Variants in CDCA8 observed in about 807,000 individuals in gnomAD.
CDCA8 encodes the protein cell division cycle associated 8.
Under a neutral mutation model 40.0 loss-of-function variants are expected in CDCA8, and 25 were observed. That is an observed-to-expected ratio of 0.63 (90% CI 0.46 to 0.87). The LOEUF is 0.87. Ranked by LOEUF, CDCA8 falls within the 40% of genes least tolerant of loss-of-function variation. The pLI, the probability that CDCA8 is intolerant of heterozygous loss-of-function variation, is 0.00. For missense variants in CDCA8, 280 were observed against 348.4 expected, an observed-to-expected ratio of 0.80 and a Z score of 1.56; for synonymous variants, 111 against 126.5, an observed-to-expected ratio of 0.88 and a Z score of 0.82.
Position 37,702,409 on chromosome 1 carries a change from T to G in CDCA8, c.488+591T>G, listed in dbSNP as rs1444081622. Among the ~76,000 whole-genome samples the G allele has an allele frequency of 6.6e-5, 10 of 152,172 alleles. No individual in the cohort carries two copies. The South Asian group carries it at 1.2e-3, about 19-fold the overall frequency. ...TAGAGTGGCTGTCACTTACCTATAA[T>G]TGGTTTCTTGAAATGTTTTGTCCAG... is the stretch of plus-strand genomic sequence containing the variant. On this transcript the variant is annotated intron_variant, in intron 6 of 9. Coordinates refer to ENST00000373055, the MANE Select transcript of CDCA8 (RefSeq NM_001256875.2).
intron 2 of CDCA8, among the ~76,000 whole-genome samples, chr1:37,695,214 AT>A (rs1458375582): frequency 6.6e-6 from 1 of 151,816 alleles, no homozygotes; most frequent in Non-Finnish European, 1.5e-5. Flanking sequence ...TTAAAAATAA[AT>A]TTTTAAAAAA....
chr1:37,693,996 C>T (rs1366618432), intron 2 of CDCA8, among the ~76,000 whole-genome samples: 2 of 151,966 alleles, frequency 1.3e-5, no homozygotes, highest in African/African-American at 2.4e-5. Context: ...AAAAGTTAGC[C>T]GGGCGTGGTG....
chr1:37,705,670 G>A, intron 8 of CDCA8, 103 bp downstream of exon 8: 1 of 1,369,134 alleles, frequency 7.3e-7, no homozygotes, highest in Non-Finnish European at 1.0e-6. Flanking sequence ...TCCTTTCAGT[G>A]CGTGGGTCCT....
In CDCA8 at chr1:37,709,156, G is replaced by A. The variant is rs1645622678; in HGVS notation, c.*790G>A. The A allele has an allele frequency of 6.6e-6, 1 of 152,240 alleles. No individual in the cohort carries two copies. The highest frequency in any genetic ancestry group is 2.1e-4 in the South Asian group (1 of 4,828). The allele number at this position is 152,240 out of a possible 1,614,324, so 9.4% of individuals were successfully genotyped here. ...TTGCTCTTCTACCTCCCTAGTTAGT[G>A]GAAATTTGGATAAGGGAACTGTAGG... On this transcript the variant is annotated 3_prime_UTR_variant, in exon 10 of 10. Coordinates refer to ENST00000373055, the MANE Select transcript of CDCA8 (RefSeq NM_001256875.2).
At chr1:37,708,250 G>T in intron 9 of CDCA8, 72 bp from the exon 10 acceptor site, 2 of 1,355,680 alleles carry the variant, frequency 1.5e-6, no homozygotes, top group South Asian at 2.4e-5. Context: ...GGCTCAGGCT[G>T]ACTGTGGGAG....
Position 37,692,739 on chromosome 1 carries a change from C to T in CDCA8, c.49C>T (p.Arg17Trp). 6.2e-7 allele frequency: 1 copy of T among 1,613,488 alleles called. No individual in the cohort carries two copies. Among genetic ancestry groups the T allele is most frequent in the Non-Finnish European group, 8.5e-7 (1 of 1,179,986 alleles). ...TCGGGTGGCCAAGACCAACTCCTTA[C>T]GGAGGCGGAAGCTCGCCTCCTTTCT... The part of the protein sequence containing the change: ...SSRVAKTNSL[R>W]RRKLASFLKD... The change falls in exon 1 of 10, where the codon CGG (arginine) becomes TGG (tryptophan). Residue 17 changes from arginine (R) to tryptophan (W), a missense_variant. Coordinates refer to ENST00000373055, the MANE Select transcript of CDCA8 (RefSeq NM_001256875.2).
intron 9 of CDCA8, among the ~76,000 whole-genome samples, chr1:37,707,323 C>G (rs572782783): frequency 6.6e-6 from 1 of 152,310 alleles, no homozygotes; most frequent in East Asian, 1.9e-4. Flanking sequence ...CTCATTCAGG[C>G]AGTTAGTGCT....
chr1:37,702,951 C>CAAA (rs35993657), intron 6 of CDCA8, among the ~76,000 whole-genome samples: 2 of 128,518 alleles, frequency 1.6e-5, no homozygotes, highest in African/African-American at 2.8e-5. Context: ...GACTCCGTCT[C>CAAA]AAAAAAAAAA....
intron 2 of CDCA8, 107 bp downstream of exon 2, chr1:37,693,140 A>C (rs540080828): frequency 1.2e-6 from 1 of 827,388 alleles, no homozygotes; most frequent in African/African-American, 1.7e-5. Context: ...GAGATCTGAC[A>C]TGACCACTTA....
chr1:37,705,810 GTT>G (rs35363414), intron 8 of CDCA8, among the ~76,000 whole-genome samples: 23 of 129,094 alleles, frequency 1.8e-4, no homozygotes, highest in South Asian at 4.9e-4. Flanking sequence ...TTTTTTGTGG[GTT>G]TTTTTTTTTT....
chr1:37,703,180 G>A (rs997490497), intron 6 of CDCA8, 72 bp from the exon 7 acceptor site: 29 of 1,154,450 alleles, frequency 2.5e-5, no homozygotes, highest in Admixed American at 5.0e-5. Context: ...AGCTCTCCAC[G>A]TGTCACTCCT....
chr1:37,694,089 G>A (rs1404988691), intron 2 of CDCA8, among the ~76,000 whole-genome samples: 2 of 152,134 alleles, frequency 1.3e-5, no homozygotes, highest in East Asian at 1.9e-4. Context: ...GCGGTGAGCT[G>A]AGAGCACGCC....
intron 7 of CDCA8, 55 bp from the exon 8 acceptor site, chr1:37,705,386 G>C: frequency 3.2e-6 from 5 of 1,579,544 alleles, no homozygotes; most frequent in Non-Finnish European, 4.3e-6. Context: ...ATGGCCTATA[G>C]AGTTTGGTGT....
At chr1:37,708,299 G>C in intron 9 of CDCA8, 23 bp from the exon 10 acceptor site, 1 of 1,604,904 alleles carries the variant, frequency 6.2e-7, no homozygotes, top group Non-Finnish European at 8.5e-7. Flanking sequence ...CTTCTACAAT[G>C]ACCTCTCTCC....
chr1:37,703,889 G>A (rs1645581392), intron 7 of CDCA8, among the ~76,000 whole-genome samples: 1 of 152,142 alleles, frequency 6.6e-6, no homozygotes, highest in Non-Finnish European at 1.5e-5. Context: ...GTGATGACTA[G>A]GAGGCCTCTA....
Position 37,709,150 on chromosome 1 carries a change from G to A in CDCA8, c.*784G>A, listed in dbSNP as rs181762040. ...CATGTCTTGCTCTTCTACCTCCCTA[G>A]TTAGTGGAAATTTGGATAAGGGAAC... On this transcript the variant is annotated 3_prime_UTR_variant, in exon 10 of 10. Coordinates refer to ENST00000373055, the MANE Select transcript of CDCA8 (RefSeq NM_001256875.2). 9.2e-5 allele frequency: 14 copies of A among 152,358 alleles called. No individual in the cohort carries two copies. In the East Asian group the frequency reaches 9.6e-4, roughly 10 times the overall value. The allele number at this position is 152,358 out of a possible 1,614,324, so 9.4% of individuals were successfully genotyped here.
intron 7 of CDCA8, 147 bp from the exon 8 acceptor site, chr1:37,705,293 AT>A (rs34568126): frequency 1.1e-3 from 680 of 615,274 alleles, no homozygotes; most frequent in Middle Eastern, 3.0e-3. Flanking sequence ...GCTTTAAAAC[AT>A]TTTTTTTTTC....
intron 5 of CDCA8, among the ~76,000 whole-genome samples, chr1:37,701,526 A>T (rs1369452417): frequency 6.6e-6 from 1 of 152,136 alleles, no homozygotes; most frequent in Non-Finnish European, 1.5e-5. Context: ...TTTACCTTTA[A>T]TCTTGGTCAA....
chr1:37,700,576 A>G (rs1645557334), intron 5 of CDCA8, 55 bp downstream of exon 5: 3 of 975,370 alleles, frequency 3.1e-6, no homozygotes, highest in South Asian at 1.3e-5. Flanking sequence ...AGCAAATACA[A>G]ATGCATAAAA....
Sources: allele counts gnomAD v4.1 joint callset (sites outside exome capture counted in the v4.1 genomes callset), GRCh38; gene constraint gnomAD v4.1.1; transcripts MANE v1.5; gene names NCBI Gene and HGNC (gene_info 2026-07-23, HGNC 2026-07-21).